Variants in STOX2 observed in about 807,000 individuals in gnomAD.
The protein encoded by STOX2 is storkhead box 2, also known as storkhead-box protein 2.
A neutral mutation model predicts 60.9 loss-of-function variants in STOX2; 28 were observed. The ratio of observed to expected loss-of-function variants is 0.46; its 90% CI spans 0.34 to 0.63. STOX2 has a LOEUF of 0.63. STOX2 is among the 30% of genes least tolerant of loss of function. STOX2 has a pLI of 0.01. For synonymous variants in STOX2, 472 were observed against 463.9 expected (o/e 1.02, Z -0.22); for missense variants, 1,024 against 1,187.7 (o/e 0.86, Z 2.03).
At position 184,017,404 on chromosome 4, in the gene STOX2, A is replaced by T; in HGVS notation, c.*120A>T. 9.4e-7 allele frequency: 1 copy of T among 1,066,596 alleles called. No individual in the cohort carries two copies. The allele number at this position is 1,066,596 out of a possible 1,614,324, so 66.1% of individuals were successfully genotyped here. ...AACCACAGTTTTTGTGTTTACTTAA[A>T]CTGTGCTGCTAAGTAGGGCTAGGGC... On this transcript the variant is annotated 3_prime_UTR_variant, in exon 4 of 4. Coordinates refer to ENST00000308497, the MANE Select transcript of STOX2 (RefSeq NM_020225.3).
intron 1 of STOX2, among the ~76,000 whole-genome samples, chr4:183,876,178 C>T (rs571978073): frequency 1.3e-5 from 2 of 152,268 alleles, no homozygotes; most frequent in East Asian, 3.9e-4. Flanking sequence ...CTGTGTCTGG[C>T]CCACACAGTT....
intron 1 of STOX2, among the ~76,000 whole-genome samples, chr4:183,802,913 A>G (rs1738801510): frequency 2.0e-5 from 3 of 152,016 alleles, no homozygotes; most frequent in Admixed American, 6.6e-5. Context: ...GAGCCACCGC[A>G]CCCGGCCCGT....
rs1738888424 is a variant in STOX2, at chr4:183,806,340, G to T, written c.364+8285G>T. Among the ~76,000 whole-genome samples the T allele has an allele frequency of 6.6e-6, 1 of 152,126 alleles. No homozygotes were observed. Among genetic ancestry groups the T allele is most frequent in the Non-Finnish European group, 1.5e-5 (1 of 68,020 alleles). On this transcript the variant is annotated intron_variant, in intron 1 of 2. Transcript: ENST00000513034. The surrounding 1 kb of genome is among the most constrained non-coding windows in gnomAD (Gnocchi z 4.1). ...GAAGCACATGATGTCCCTTAGTCTA[G>T]CTCTCTGGCATGGAAGCTGGGGATG...
At chr4:183,927,284 T>C (rs756472741) in intron 1 of STOX2, among the ~76,000 whole-genome samples, 7 of 152,220 alleles carry the variant, frequency 4.6e-5, no homozygotes, top group Non-Finnish European at 1.0e-4. Context: ...CCTCTGTGTC[T>C]CATGTGTAAA....
chr4:183,879,106 G>A (rs1473513247), intron 1 of STOX2, among the ~76,000 whole-genome samples: 1 of 152,142 alleles, frequency 6.6e-6, no homozygotes. Context: ...AATTATCTGT[G>A]TTTGTTATTA....
intron 1 of STOX2, among the ~76,000 whole-genome samples, chr4:183,984,196 C>T (rs1732758438): frequency 6.6e-6 from 1 of 152,236 alleles, no homozygotes; most frequent in South Asian, 2.1e-4. Context: ...AGTATCCCTG[C>T]TCATGGAGCT....
At chr4:184,006,840 C>T (rs1184226384) in intron 2 of STOX2, among the ~76,000 whole-genome samples, 1 of 150,634 alleles carries the variant, frequency 6.6e-6, no homozygotes, top group African/African-American at 2.4e-5. Flanking sequence ...AACGGTGAAA[C>T]CCCGTCTCTA....
chr4:183,908,901 T>A (rs958791273), intron 1 of STOX2, among the ~76,000 whole-genome samples: 1 of 152,192 alleles, frequency 6.6e-6, no homozygotes, highest in Admixed American at 6.5e-5. Flanking sequence ...TCATTCAGCA[T>A]TTTTATGGCG....
At chr4:183,927,946 G>T (rs942099551) in intron 1 of STOX2, among the ~76,000 whole-genome samples, 17 of 152,120 alleles carry the variant, frequency 1.1e-4, no homozygotes, top group African/African-American at 4.1e-4. Flanking sequence ...CTGGCTCTGC[G>T]CCCCTCCTTG....
At chr4:183,991,584 C>A (rs191885081) in intron 1 of STOX2, among the ~76,000 whole-genome samples, 4 of 152,092 alleles carry the variant, frequency 2.6e-5, no homozygotes, top group South Asian at 2.1e-4. Flanking sequence ...TCTGCCACCA[C>A]GCCTGGCTAA....
intron 1 of STOX2, among the ~76,000 whole-genome samples, chr4:183,994,519 C>T (rs1333903724): frequency 1.3e-5 from 2 of 152,146 alleles, no homozygotes; most frequent in African/African-American, 2.4e-5. Flanking sequence ...GTGTCCCCAG[C>T]GTGATGGAAG....
intron 1 of STOX2, among the ~76,000 whole-genome samples, chr4:183,979,226 C>T (rs10004162): frequency 0.047 from 7,109 of 152,012 alleles, 564 homozygotes; most frequent in African/African-American, 0.16. Context: ...ACAAAAAGGT[C>T]GGGGGGCGGG....
intron 1 of STOX2, among the ~76,000 whole-genome samples, chr4:183,992,778 G>A (rs144734964): frequency 4.7e-4 from 72 of 152,284 alleles, no homozygotes; most frequent in African/African-American, 1.5e-3. Flanking sequence ...AAGGTAGCAG[G>A]GCCTTGCCTC....
chr4:183,891,985 A>G (rs569118398), intron 1 of STOX2, among the ~76,000 whole-genome samples: 2 of 152,172 alleles, frequency 1.3e-5, no homozygotes, highest in East Asian at 1.9e-4. Flanking sequence ...AAGAGCGTCA[A>G]TAGGACAGGC....
chr4:183,890,993 C>T (rs1365112060), intron 1 of STOX2, among the ~76,000 whole-genome samples: 1 of 152,052 alleles, frequency 6.6e-6, no homozygotes, highest in African/African-American at 2.4e-5. Flanking sequence ...ACCTGTAGTC[C>T]TAGCTACTTG....
At chr4:183,991,634 G>A (rs1035077238) in intron 1 of STOX2, among the ~76,000 whole-genome samples, 1 of 152,012 alleles carries the variant, frequency 6.6e-6, no homozygotes, top group Non-Finnish European at 1.5e-5. Context: ...TCTCCATGTT[G>A]GCCAGGCTGG....
At chr4:183,874,655 G>A (rs1289285002) in intron 1 of STOX2, among the ~76,000 whole-genome samples, 25 of 151,674 alleles carry the variant, frequency 1.6e-4, no homozygotes, top group Admixed American at 1.5e-3. Context: ...GGCCGGGCGC[G>A]GTGGCTCACG....
intron 1 of STOX2, among the ~76,000 whole-genome samples, chr4:183,979,594 T>C (rs1425255421): frequency 6.6e-6 from 1 of 152,162 alleles, no homozygotes; most frequent in Admixed American, 6.5e-5. Flanking sequence ...AATAATATTT[T>C]ATTATTATTT....
chr4:183,884,827 G>A (rs1029116837), intron 1 of STOX2, among the ~76,000 whole-genome samples: 2 of 152,150 alleles, frequency 1.3e-5, no homozygotes, highest in East Asian at 1.9e-4. Flanking sequence ...TTAGAGAAAC[G>A]TTAGGGAGAG....
Sources: allele counts gnomAD v4.1 joint callset (sites outside exome capture counted in the v4.1 genomes callset), GRCh38; gene constraint gnomAD v4.1.1; non-coding constraint Gnocchi (gnomAD v3.1); transcripts MANE v1.5; gene names NCBI Gene and HGNC (gene_info 2026-07-23, HGNC 2026-07-21).